The following STPG2 variants were observed in gnomAD, a reference collection of about 807,000 sequenced individuals.
STPG2 encodes sperm tail PG-rich repeat containing 2.
STPG2 carries 56 observed loss-of-function variants against 54.2 expected under a neutral mutation model. That is an observed-to-expected ratio of 1.03 (90% confidence interval 0.83 to 1.29). The LOEUF is 1.29. Among genes scored for constraint, STPG2 ranks in the 50% most tolerant of loss-of-function variants. The pLI, the probability that STPG2 is intolerant of heterozygous loss-of-function variation, is 0.00. For synonymous variants in STPG2, 200 were observed against 181.8 expected, an observed-to-expected ratio of 1.10 and a Z score of -0.81; for missense variants, 596 against 544.9, an observed-to-expected ratio of 1.09 and a Z score of -0.93.
At chr4:97,813,867 G>C (rs1364694744) in intron 9 of STPG2, among the ~76,000 whole-genome samples, 1 of 151,688 alleles carries the variant, frequency 6.6e-6, no homozygotes, top group Admixed American at 6.6e-5. Context: ...TGAAAATTGA[G>C]AATCCTGCTA....
intron 8 of STPG2, among the ~76,000 whole-genome samples, chr4:97,872,581 A>T (rs933754783): frequency 6.6e-6 from 1 of 151,352 alleles, no homozygotes; most frequent in Non-Finnish European, 1.5e-5. Flanking sequence ...TGGAAAACAC[A>T]CACAAAAATT....
At chr4:97,450,203 CTT>C (rs1295747443) in intron 4 of STPG2, among the ~76,000 whole-genome samples, 1 of 152,104 alleles carries the variant, frequency 6.6e-6, no homozygotes, top group East Asian at 1.9e-4. Context: ...TACCCCCAAG[CTT>C]CAGTCATAAT....
intron 8 of STPG2, among the ~76,000 whole-genome samples, chr4:97,854,583 A>G (rs1433448477): frequency 1.3e-5 from 2 of 151,650 alleles, no homozygotes; most frequent in African/African-American, 4.8e-5. Flanking sequence ...TTTTAAAAAC[A>G]TGGGGATCGG....
intron 5 of STPG2, among the ~76,000 whole-genome samples, chr4:98,067,449 C>T (rs1578827980): frequency 1.3e-5 from 2 of 152,130 alleles, no homozygotes; most frequent in Admixed American, 1.3e-4. Flanking sequence ...AATGATTTAA[C>T]CTTTTGAACA....
At chr4:97,589,756 G>A (rs1326249694) in intron 10 of STPG2, among the ~76,000 whole-genome samples, 1 of 152,108 alleles carries the variant, frequency 6.6e-6, no homozygotes, top group Non-Finnish European at 1.5e-5. Flanking sequence ...TTTATATTAA[G>A]TGCACATACA....
intron 8 of STPG2, among the ~76,000 whole-genome samples, chr4:97,919,927 G>C (rs1225074743): frequency 6.6e-6 from 1 of 151,990 alleles, no homozygotes; most frequent in Non-Finnish European, 1.5e-5. Flanking sequence ...TGAATTTATT[G>C]AATAGCCTAT....
At chr4:97,965,777 G>A (rs553306460) in intron 7 of STPG2, among the ~76,000 whole-genome samples, 6 of 152,310 alleles carry the variant, frequency 3.9e-5, no homozygotes, top group Admixed American at 3.9e-4. Flanking sequence ...TGAGGGACCT[G>A]ATTGTTAAAA....
intron 5 of STPG2, among the ~76,000 whole-genome samples, chr4:98,018,355 T>C (rs1323882268): frequency 6.6e-6 from 1 of 152,222 alleles, no homozygotes. Flanking sequence ...ACTCATCATT[T>C]TTTATGGCTG....
chr4:97,481,963 T>A (rs980830206), intron 4 of STPG2, among the ~76,000 whole-genome samples: 63 of 151,794 alleles, frequency 4.2e-4, no homozygotes, highest in African/African-American at 1.5e-3. Flanking sequence ...ACAAATACAT[T>A]GATCTGTAAT....
intron 5 of STPG2, among the ~76,000 whole-genome samples, chr4:98,026,708 T>C (rs528030657): frequency 1.3e-5 from 2 of 152,108 alleles, no homozygotes; most frequent in Non-Finnish European, 2.9e-5. Context: ...CAGTGAACCA[T>C]AGCTATGCCC....
intron 10 of STPG2, among the ~76,000 whole-genome samples, chr4:97,588,756 T>C (rs974488471): frequency 1.3e-5 from 2 of 152,050 alleles, no homozygotes; most frequent in African/African-American, 4.8e-5. Context: ...ATCAAAGTTT[T>C]CCAAGATATA....
intron 8 of STPG2, among the ~76,000 whole-genome samples, chr4:97,942,166 C>A (rs1434731479): frequency 2.1e-5 from 3 of 144,102 alleles, no homozygotes; most frequent in Non-Finnish European, 3.1e-5. Flanking sequence ...TAAAACGTAT[C>A]TATACATATA....
chr4:98,066,112 TA>T (rs979713086), intron 5 of STPG2, among the ~76,000 whole-genome samples: 1 of 151,922 alleles, frequency 6.6e-6, no homozygotes, highest in African/African-American at 2.4e-5. Context: ...TTGTTTATAA[TA>T]TATTTAAACA....
intron 9 of STPG2, among the ~76,000 whole-genome samples, chr4:97,838,587 C>T (rs1443432943): frequency 2.6e-5 from 4 of 151,056 alleles, no homozygotes; most frequent in Non-Finnish European, 5.9e-5. Flanking sequence ...TTGATAATAT[C>T]GCACTTAAAT....
chr4:97,852,874 T>C (rs1451639978), intron 8 of STPG2, among the ~76,000 whole-genome samples: 1 of 148,818 alleles, frequency 6.7e-6, no homozygotes, highest in Admixed American at 6.7e-5. Context: ...GACACATAGA[T>C]TGTAGATCTC....
At chr4:98,026,613 C>T (rs951806572) in intron 5 of STPG2, among the ~76,000 whole-genome samples, 3 of 152,178 alleles carry the variant, frequency 2.0e-5, no homozygotes, top group Admixed American at 6.5e-5. Flanking sequence ...TTCCTGTAGA[C>T]AAGCCCCAAT....
At chr4:98,005,578 C>T (rs1009517570) in intron 5 of STPG2, among the ~76,000 whole-genome samples, 17 of 152,142 alleles carry the variant, frequency 1.1e-4, no homozygotes, top group African/African-American at 4.1e-4. Context: ...ACTTAATTTG[C>T]TGAGACTTTT....
At chr4:97,670,657 A>G (rs1338570656) in intron 10 of STPG2, among the ~76,000 whole-genome samples, 1 of 152,206 alleles carries the variant, frequency 6.6e-6, no homozygotes, top group Admixed American at 6.5e-5. Flanking sequence ...ATAAGAAACC[A>G]CTGCTAAGAA....
intron 5 of STPG2, among the ~76,000 whole-genome samples, chr4:98,057,851 G>C (rs985203399): frequency 6.6e-6 from 1 of 152,178 alleles, no homozygotes; most frequent in Non-Finnish European, 1.5e-5. Context: ...ACTAACAGCA[G>C]ACCTCTCAGG....
Sources: gnomAD v4.1 joint callset for allele counts (sites outside exome capture counted in the v4.1 genomes callset) on GRCh38, gnomAD v4.1.1 for gene constraint, MANE v1.5 for transcripts, NCBI Gene and HGNC (gene_info 2026-07-23, HGNC 2026-07-21) for gene names.